Variants in SAMD11 observed in about 807,000 individuals in gnomAD.
SAMD11 encodes sterile alpha motif domain-containing protein 11.
A neutral mutation model predicts 64.4 loss-of-function variants in SAMD11; 77 were observed. That is an observed-to-expected ratio of 1.20 (90% CI 0.99 to 1.44). The LOEUF (loss-of-function observed/expected upper bound fraction) is 1.44, where lower values mean the gene tolerates loss of function less well. Among genes scored for constraint, SAMD11 ranks in the 40% most tolerant of loss-of-function variants. SAMD11 has a pLI of 0.00. For synonymous variants in SAMD11, 658 were observed against 421.9 expected, an observed-to-expected ratio of 1.56 and a Z score of -6.86; for missense variants, 1,402 against 943.3, an observed-to-expected ratio of 1.49 and a Z score of -6.37.
intron 4 of SAMD11, among the ~76,000 whole-genome samples, chr1:933,988 C>CT (rs1641290588): frequency 6.8e-6 from 1 of 147,530 alleles, no homozygotes; most frequent in African/African-American, 2.6e-5. Context: ...GCAGGGGAGG[C>CT]GGCTGCGTTA....
chr1:943,926 C>G lies in SAMD11; in HGVS notation c.2308C>G (p.Arg770Gly), dbSNP rs1372398647. 11 of 1,612,682 alleles carry G rather than the reference C, an allele frequency of 6.8e-6. No individual in the cohort carries two copies. Among genetic ancestry groups the G allele is most frequent in the Middle Eastern group, 1.7e-4 (1 of 6,048 alleles). The change falls in exon 14 of 14, where the codon CGA becomes GGA. Residue 770 changes from arginine to glycine, a missense_variant. By Grantham distance (125) the Arg-to-Gly change is moderately radical (BLOSUM62 -2). Coordinates refer to ENST00000616016, the MANE Select transcript of SAMD11 (RefSeq NM_001385641.1). ...IRAQVARRLG[R>G]VFYVASFPVA... Reference sequence around the variant, plus strand: ...TCTGCAGGTGGCCAGGCGCCTGGGCCGAGTTTTCTACGTGGCCAGCTTCCC... The same window carrying G: ...TCTGCAGGTGGCCAGGCGCCTGGGCGGAGTTTTCTACGTGGCCAGCTTCCC...
intron 7 of SAMD11, among the ~76,000 whole-genome samples, chr1:939,901 C>T (rs937466292): frequency 2.0e-5 from 3 of 152,136 alleles, no homozygotes; most frequent in African/African-American, 4.8e-5. Context: ...GCTGAAGAGA[C>T]GCCAGCTGGA....
rs530353244 is a variant in SAMD11 at position 927,199 on chromosome 1, C to T, written c.609+1186C>T. On this transcript the variant is annotated intron_variant, in intron 2 of 13. Coordinates refer to ENST00000616016, the MANE Select transcript of SAMD11 (RefSeq NM_001385641.1). The stretch of plus-strand genomic sequence containing the variant: ...AGGTGTGCAGACAGCCGGCAGCCCC[C>T]TGTCTGCTGTCACAGACCTACCCGG... Among the ~76,000 whole-genome samples, 6 of 152,218 alleles carry T rather than the reference C, an allele frequency of 3.9e-5. No individual in the cohort carries two copies. In the East Asian group the frequency reaches 5.8e-4, roughly 15 times the overall value.
rs1020493696 is a variant in SAMD11 at position 942,620 on chromosome 1, C to A, written c.1615C>A (p.Leu539Met). 2 of 1,438,540 alleles carry A rather than the reference C, an allele frequency of 1.4e-6. No individual in the cohort carries two copies. The highest frequency in any genetic ancestry group is 9.1e-7 in the Non-Finnish European group (1 of 1,102,960). 89.1% of individuals were successfully genotyped at this position (1,438,540 alleles called of 1,614,324 possible). A position where few individuals can be genotyped will look rare whatever the true frequency, so the allele number is the denominator to read the frequency against. Residue 539 changes from leucine to methionine, a missense_variant, in exon 11 of 14, where the codon CTG becomes ATG. Physicochemically the swap from Leu to Met is conservative, Grantham distance 15. Transcript: ENST00000616016. ...GCTGGAGAGCGCGCGCCCACAGCTG[C>A]TGGCGCCCGAGACCGCCCTGCGCCC... The part of the protein sequence containing the change: ...KELESARPQL[L>M]APETALRPND...
rs754119496 is a variant in SAMD11 at position 925,961 on chromosome 1, A to T, written c.557A>T (p.Gln186Leu). 14 of 1,612,162 alleles carry T rather than the reference A, an allele frequency of 8.7e-6. No homozygotes were observed. The highest frequency in any genetic ancestry group is 8.3e-5 in the Admixed American group (5 of 60,028). The change falls in exon 2 of 14, where the codon CAG becomes CTG. Residue 186 changes from glutamine to leucine, a missense_variant. Gln to Leu is a moderately radical substitution (Grantham distance 113). Coordinates refer to ENST00000616016, the MANE Select transcript of SAMD11 (RefSeq NM_001385641.1). ...ACGCTTATGTCCAAGGGGATCCTGCAGGTGCATCCTCCGATCTGCGACTGC... is the reference window on the plus strand; with the variant it reads ...ACGCTTATGTCCAAGGGGATCCTGCTGGTGCATCCTCCGATCTGCGACTGC... ...LKTLMSKGIL[Q>L]VHPPICDCPG...
Position 942,208 on chromosome 1 carries a change from G to T in SAMD11, c.1431G>T (p.Arg477Ser). ...ACGTCGCCCTGGGCCCCCATCTCAG[G>T]CCCCCCTTCCTGGGGGTGCCCTCGG... The part of the protein sequence containing the change: ...APHVALGPHL[R>S]PPFLGVPSAL... The change falls in exon 9 of 14, where the codon AGG becomes AGT. Residue 477 changes from arginine (R) to serine (S), a missense_variant. By Grantham distance (110) the Arg-to-Ser change is moderately radical (BLOSUM62 -1). Transcript: ENST00000616016. 1 of 1,364,792 alleles carries T rather than the reference G, an allele frequency of 7.3e-7. No homozygotes were observed. The allele number at this position is 1,364,792 out of a possible 1,614,324, so 84.5% of individuals were successfully genotyped here.
chr1:930,158 CG>C lies in SAMD11; in HGVS notation c.618del (p.Arg207GlyfsTer16), dbSNP rs1386232016. On this transcript the variant is annotated frameshift_variant, in exon 3 of 14. Transcript: ENST00000616016. LOFTEE classifies it high-confidence loss of function. ...PGCRISSPVN[R>X]GRLADKRTVA... ...TCCTCTCCTCCTGCCCCACCAGAAC[CG>C]GGGGCGGCTGGCAGACAAGAGGACA... The C allele has an allele frequency of 5.1e-6, 8 of 1,555,374 alleles. No individual in the cohort carries two copies. The South Asian group carries it at 8.3e-5, about 16-fold the overall frequency.
At chr1:928,185 A>T (rs369730262) in intron 2 of SAMD11, among the ~76,000 whole-genome samples, 2 of 152,052 alleles carry the variant, frequency 1.3e-5, no homozygotes, top group Non-Finnish European at 2.9e-5. Context: ...CGAGGTCAGG[A>T]GATCGAGACC....
rs1253956486 is a variant in SAMD11 at position 942,677 on chromosome 1, G to T, written c.1672G>T (p.Gly558Trp). 23 of 1,432,922 alleles carry T rather than the reference G, an allele frequency of 1.6e-5. No homozygotes were observed. Among genetic ancestry groups the T allele is most frequent in the Non-Finnish European group, 2.1e-5 (23 of 1,102,094 alleles). The allele number at this position is 1,432,922 out of a possible 1,614,324, so 88.8% of individuals were successfully genotyped here. ...NDGAEELQRR[G>W]ALLVLNHGAA... ...CGGCGCCGAGGAGCTGCAGCGGCGC[G>T]GGGCCCTGCTGGTGCTGAACCACGG... The change falls in exon 11 of 14, where the codon GGG becomes TGG. Residue 558 changes from glycine to tryptophan, a missense_variant. By Grantham distance (184) the Gly-to-Trp change is radical (BLOSUM62 -2). Transcript: ENST00000616016.
rs944084425 is a variant in SAMD11 at position 942,330 on chromosome 1, C to T, written c.1474+79C>T. On this transcript the variant is annotated intron_variant, in intron 9 of 13. Coordinates refer to ENST00000616016, the MANE Select transcript of SAMD11 (RefSeq NM_001385641.1). ...GGCCCTGCCCCTGTCGGAGCCGAGA[C>T]GGACCGGGTAGGGGATTGCAAAGGG... 5.7e-5 allele frequency: 62 copies of T among 1,092,572 alleles called. No individual in the cohort carries two copies. In the Middle Eastern group the frequency reaches 9.3e-4, roughly 16 times the overall value. 67.7% of individuals were successfully genotyped at this position (1,092,572 alleles called of 1,614,324 possible).
At chr1:932,829 C>T (rs1386281600) in intron 4 of SAMD11, among the ~76,000 whole-genome samples, 3 of 152,264 alleles carry the variant, frequency 2.0e-5, no homozygotes, top group Non-Finnish European at 1.5e-5. Context: ...TCCTCTGCCT[C>T]AGGAACCCGG....
intron 7 of SAMD11, 145 bp downstream of exon 7, chr1:939,557 G>A (rs1201114327): frequency 1.4e-5 from 21 of 1,485,436 alleles, no homozygotes; most frequent in Non-Finnish European, 1.8e-5. Flanking sequence ...ACCAAGGCCA[G>A]GCTGGATGCA....
At chr1:931,161 C>T (rs1641154594) in intron 4 of SAMD11, 72 bp downstream of exon 4, 2 of 1,393,106 alleles carry the variant, frequency 1.4e-6, no homozygotes, top group Non-Finnish European at 2.0e-6. Flanking sequence ...CTGACCGTGC[C>T]CTGCTGTCTG....
chr1:942,721 C>T lies in SAMD11; in HGVS notation c.1716C>T (p.Ala572=). The T allele has an allele frequency of 6.8e-7, 1 of 1,461,974 alleles. No homozygotes were observed. Among genetic ancestry groups the T allele is most frequent in the South Asian group, 1.4e-5 (1 of 72,504 alleles). 90.6% of individuals were successfully genotyped at this position (1,461,974 alleles called of 1,614,324 possible). The change falls in exon 11 of 14, where the codon GCC becomes GCT. Residue 572 remains alanine (A), a synonymous_variant. Transcript: ENST00000616016. ...ACCACGGCGCGGCGCCACTGCTGGC[C>T]CTGCCCCCCCAGGGGCCCCCGGGCT... ...VLNHGAAPLL[A]LPPQGPPGSG... is the part of the protein sequence containing the mutation.
At position 943,294 on chromosome 1, in the gene SAMD11, G is replaced by A. The variant is rs760872552; in HGVS notation, c.2095G>A (p.Ala699Thr). 5 of 1,612,566 alleles carry A rather than the reference G, an allele frequency of 3.1e-6. No homozygotes were observed. In the Admixed American group the frequency reaches 8.3e-5, roughly 27 times the overall value. ...CTCCATGGATGGGGAGGAGGCCCCA[G>A]CCCCTGAGGACGTCACCAAGTGGAC... ...GLSMDGEEAP[A>T]PEDVTKWTVD... Residue 699 changes from alanine to threonine, a missense_variant, in exon 12 of 14, where the codon GCC becomes ACC. Ala to Thr is a moderately conservative substitution (Grantham distance 58). Transcript: ENST00000616016.
chr1:926,375 G>GGGT (rs1640892321), intron 2 of SAMD11, among the ~76,000 whole-genome samples: 1 of 152,228 alleles, frequency 6.6e-6, no homozygotes, highest in African/African-American at 2.4e-5. Flanking sequence ...CACCGCTTGG[G>GGGT]GGTCACCGTG....
At position 935,422 on chromosome 1, in the gene SAMD11, C is replaced by T. The variant is rs192531850; in HGVS notation, c.843-350C>T. Among the ~76,000 whole-genome samples the T allele has an allele frequency of 1.8e-3, 264 of 143,284 alleles. 4 individuals are homozygous for T. In the Middle Eastern group the frequency reaches 0.024, roughly 13 times the overall value. 94.0% of individuals were successfully genotyped at this position (143,284 alleles called of 152,430 possible). A position where few individuals can be genotyped will look rare whatever the true frequency, so the allele number is the denominator to read the frequency against. On this transcript the variant is annotated intron_variant, in intron 4 of 13. Coordinates refer to ENST00000616016, the MANE Select transcript of SAMD11 (RefSeq NM_001385641.1). ...GCCCCTGAGCAGATCGGCCTCTTCC[C>T]GGGCGCCCGGTGGGCCCCTCGACCC...
At chr1:937,716 C>A (rs989651593) in intron 5 of SAMD11, among the ~76,000 whole-genome samples, 1 of 152,184 alleles carries the variant, frequency 6.6e-6, no homozygotes, top group Admixed American at 6.5e-5. Context: ...GCCCGCCGGG[C>A]CCAGCCACCC....
chr1:933,980 A>G (rs187161943), intron 4 of SAMD11, among the ~76,000 whole-genome samples: 18 of 147,854 alleles, frequency 1.2e-4, no homozygotes, highest in African/African-American at 2.9e-4. Flanking sequence ...ACAGGTGGGC[A>G]GGGGAGGCGG....
Sources: allele counts gnomAD v4.1 joint callset (sites outside exome capture counted in the v4.1 genomes callset), GRCh38; gene constraint gnomAD v4.1.1; transcripts MANE v1.5; gene names NCBI Gene and HGNC (gene_info 2026-07-23, HGNC 2026-07-21).